FAT3: variants seen among roughly 807,000 people sequenced by gnomAD.
FAT3 encodes FAT atypical cadherin 3.
A neutral mutation model predicts 310.2 loss-of-function variants in FAT3; 95 were observed. That is an observed-to-expected ratio of 0.31 (90% CI 0.26 to 0.36). The LOEUF (loss-of-function observed/expected upper bound fraction) is 0.36, where lower values mean the gene tolerates loss of function less well. FAT3 is among the 10% of genes least tolerant of loss of function. The pLI is 1.00. For missense variants in FAT3, 5,408 were observed against 5,715.6 expected (o/e 0.95, Z 1.74); for synonymous variants, 2,314 against 2,192.9 (o/e 1.06, Z -1.54).
Position 92,224,988 on chromosome 11 carries a change from G to A in FAT3, c.-204G>A. Among the ~76,000 whole-genome samples the A allele has an allele frequency of 6.6e-6, 1 of 152,074 alleles. No homozygotes were observed. The highest frequency in any genetic ancestry group is 1.9e-4 in the East Asian group (1 of 5,152). ...CCTCCGCTTGCGAACCCCCGGCGGC[G>A]GCGGCGGCGGCGTCCCGAGCGCAGA... is the stretch of plus-strand genomic sequence containing the variant. On this transcript the variant is annotated 5_prime_UTR_variant, in exon 1 of 28. Coordinates refer to ENST00000525166, the MANE Select transcript of FAT3 (RefSeq NM_001367949.2).
At chr11:92,436,756 G>C (rs1950948988) in intron 2 of FAT3, among the ~76,000 whole-genome samples, 1 of 152,274 alleles carries the variant, frequency 6.6e-6, no homozygotes, top group Middle Eastern at 3.4e-3. Flanking sequence ...TGAACTCTGA[G>C]TTTCCAATTT....
chr11:92,870,693 G>A (rs1041220739), intron 22 of FAT3, among the ~76,000 whole-genome samples: 7 of 152,152 alleles, frequency 4.6e-5, no homozygotes, highest in African/African-American at 1.7e-4. Flanking sequence ...CACATTTGAA[G>A]CCAGGCAGTC....
chr11:92,297,370 G>A (rs955094018), intron 1 of FAT3, among the ~76,000 whole-genome samples: 10 of 152,166 alleles, frequency 6.6e-5, no homozygotes, highest in Admixed American at 3.3e-4. Context: ...ATCTAACACT[G>A]AGCCTTGTAC....
Position 92,797,740 on chromosome 11 carries a change from C to T in FAT3, c.4823-96C>T, listed in dbSNP as rs148176367. The stretch of plus-strand genomic sequence containing the variant: ...GAGTACTATAATTGCTTTCTACTTG[C>T]CACATTGCAGTAAGGTACCTATAGA... On this transcript the variant is annotated intron_variant, in intron 9 of 27. Transcript: ENST00000525166. 8.6e-6 allele frequency: 9 copies of T among 1,044,558 alleles called. No individual in the cohort carries two copies. The African/African-American group carries it at 1.1e-4, about 13-fold the overall frequency. 64.7% of individuals were successfully genotyped at this position (1,044,558 alleles called of 1,614,324 possible).
chr11:92,277,960 T>C (rs1187162), intron 1 of FAT3, among the ~76,000 whole-genome samples: 94,195 of 151,802 alleles, frequency 0.62, 29,782 homozygotes, highest in African/African-American at 0.74. Flanking sequence ...GGCACAAGCC[T>C]GTATTCCCAG....
Position 92,762,072 on chromosome 11 carries a change from G to A in FAT3, c.3886G>A (p.Val1296Met), listed in dbSNP as rs2136085593. 6.2e-7 allele frequency: 1 copy of A among 1,613,990 alleles called. No individual in the cohort carries two copies. Among genetic ancestry groups the A allele is most frequent in the Non-Finnish European group, 8.5e-7 (1 of 1,179,878 alleles). ...GPNAEISYSI[V>M]DGNDDGKFFI... ...CAACGCAGAAATCTCCTACAGTATTGTGGATGGGAATGATGACGGAAAGTT... is the reference window on the plus strand; with the variant it reads ...CAACGCAGAAATCTCCTACAGTATTATGGATGGGAATGATGACGGAAAGTT... The change falls in exon 5 of 28, where the codon GTG becomes ATG. Residue 1296 changes from valine to methionine, a missense_variant. Physicochemically the swap from Val to Met is conservative, Grantham distance 21. Around this residue, in one of 5 missense-constraint regions of FAT3, gnomAD observed 4,588 missense variants for 4,809.8 expected, o/e 0.95. Coordinates refer to ENST00000525166, the MANE Select transcript of FAT3 (RefSeq NM_001367949.2).
chr11:92,254,007 G>A (rs555366323), intron 1 of FAT3, among the ~76,000 whole-genome samples: 300 of 152,248 alleles, frequency 2.0e-3, no homozygotes, highest in African/African-American at 6.7e-3. Context: ...TCGTTTATTT[G>A]CATTGAAATC....
At chr11:92,612,930 C>G (rs1181753649) in intron 3 of FAT3, among the ~76,000 whole-genome samples, 3 of 152,080 alleles carry the variant, frequency 2.0e-5, no homozygotes, top group Non-Finnish European at 4.4e-5. Context: ...ATGGTGATAG[C>G]TAATTCAGTA....
chr11:92,225,083 C>A lies in FAT3; in HGVS notation c.-109C>A, dbSNP rs575056460. Among the ~76,000 whole-genome samples the A allele has an allele frequency of 6.6e-6, 1 of 151,948 alleles. No individual in the cohort carries two copies. The highest frequency in any genetic ancestry group is 2.4e-5 in the African/African-American group (1 of 41,386). On this transcript the variant is annotated 5_prime_UTR_variant, in exon 1 of 28. Transcript: ENST00000525166. ...GCTGCGGCGGCAGCAGCCGGGGGAC[C>A]GGCTCGCCCGGAGCAAGAGCGCCGA...
chr11:92,840,307 C>T (rs1948505376), intron 17 of FAT3, among the ~76,000 whole-genome samples: 1 of 152,182 alleles, frequency 6.6e-6, no homozygotes, highest in African/African-American at 2.4e-5. Flanking sequence ...CTTGTGTTCA[C>T]ACCAGTAGAG....
intron 2 of FAT3, among the ~76,000 whole-genome samples, chr11:92,381,705 C>T (rs946786220): frequency 2.0e-5 from 3 of 152,000 alleles, no homozygotes; most frequent in South Asian, 2.1e-4. Flanking sequence ...ATTCAATTAA[C>T]TTTTTCATTT....
intron 3 of FAT3, among the ~76,000 whole-genome samples, chr11:92,683,081 A>AAAAAAAAAAAG (rs1401737605): frequency 1.3e-5 from 2 of 151,586 alleles, no homozygotes; most frequent in African/African-American, 2.4e-5. Flanking sequence ...CTAAAAAAAA[A>AAAAAAAAAAAG]AAAAAGTGGT....
At chr11:92,342,659 C>G (rs901753204) in intron 1 of FAT3, among the ~76,000 whole-genome samples, 3 of 152,014 alleles carry the variant, frequency 2.0e-5, no homozygotes, top group Non-Finnish European at 2.9e-5. Context: ...ATGATTTGGC[C>G]CCTTTTCTCT....
In FAT3 at chr11:92,801,033, C is replaced by A. The variant is rs974657946; in HGVS notation, c.8020C>A (p.Leu2674Ile). Residue 2674 changes from leucine (L) to isoleucine (I), a missense_variant, in exon 10 of 28, where the codon CTT becomes ATT. Physicochemically the swap from Leu to Ile is conservative, Grantham distance 5. Transcript: ENST00000525166. ...TTTTAACCAGCTGAAAAATACAGTGCTTTCGTTCTTTGTCAAAGCAGTAGA... is the reference window on the plus strand; with the variant it reads ...TTTTAACCAGCTGAAAAATACAGTGATTTCGTTCTTTGTCAAAGCAGTAGA... ...GNFNQLKNTV[L>I]SFFVKAVDGG... is the part of the protein sequence containing the mutation. 8 of 1,613,694 alleles carry A rather than the reference C, an allele frequency of 5.0e-6. No homozygotes were observed. The highest frequency in any genetic ancestry group is 6.8e-6 in the Non-Finnish European group (8 of 1,179,840).
Position 92,668,874 on chromosome 11 carries a change from C to T in FAT3, c.3608-28510C>T, listed in dbSNP as rs117177853. On this transcript the variant is annotated intron_variant, in intron 3 of 27. Transcript: ENST00000525166. ...CAGCATTGGTGTAAACTTTCAGGAT[C>T]GGTTGTATCGAGCAGCATTTAAGTT... Among the ~76,000 whole-genome samples the T allele has an allele frequency of 4.1e-3, 630 of 152,228 alleles. 3 individuals are homozygous for T. Among genetic ancestry groups the T allele is most frequent in the Middle Eastern group, 0.024 (7 of 294 alleles).
chr11:92,564,559 T>G lies in FAT3; in HGVS notation c.3607+39611T>G, dbSNP rs1955359746. Among the ~76,000 whole-genome samples, 2 of 151,974 alleles carry G rather than the reference T, an allele frequency of 1.3e-5. 1 individual carries two copies. Among genetic ancestry groups the G allele is most frequent in the South Asian group, 4.2e-4 (2 of 4,808 alleles). On this transcript the variant is annotated intron_variant, in intron 3 of 27. Coordinates refer to ENST00000525166, the MANE Select transcript of FAT3 (RefSeq NM_001367949.2). The stretch of plus-strand genomic sequence containing the variant: ...GACCTAATAGACATCTGCAGAACTC[T>G]CCACCCCAAATCAACAGAATATACA...
intron 2 of FAT3, among the ~76,000 whole-genome samples, chr11:92,438,983 A>C (rs117859298): frequency 1.3e-5 from 2 of 152,248 alleles, no homozygotes; most frequent in Non-Finnish European, 1.5e-5. Flanking sequence ...TCAGGCATCC[A>C]AGTGACACAG....
rs189967183 is a variant in FAT3 at position 92,661,956 on chromosome 11, G to A, written c.3608-35428G>A. Among the ~76,000 whole-genome samples, 75 of 152,048 alleles carry A rather than the reference G, an allele frequency of 4.9e-4. 1 individual carries two copies. The highest frequency in any genetic ancestry group is 1.0e-3 in the South Asian group (5 of 4,796). On this transcript the variant is annotated intron_variant, in intron 3 of 27. Transcript: ENST00000525166. ...CATGCCTTACACATCTGTGAATGTG[G>A]GTGATTATTATGTGGAAAAGTGACT... is the stretch of plus-strand genomic sequence containing the variant.
intron 2 of FAT3, among the ~76,000 whole-genome samples, chr11:92,427,691 A>C (rs1430635976): frequency 6.6e-6 from 1 of 152,178 alleles, no homozygotes; most frequent in Non-Finnish European, 1.5e-5. Context: ...GCATATACCG[A>C]ACTAGCCTTG....
Sources: gnomAD v4.1 joint callset for allele counts (sites outside exome capture counted in the v4.1 genomes callset) on GRCh38, gnomAD v4.1.1 for gene constraint, gnomAD v4.1.1 regional missense constraint, MANE v1.5 for transcripts, NCBI Gene and HGNC (gene_info 2026-07-23, HGNC 2026-07-21) for gene names.